SEPTIN6: variants seen among roughly 807,000 people sequenced by gnomAD.
The protein encoded by SEPTIN6 is septin 6.
A neutral mutation model predicts 33.6 loss-of-function variants in SEPTIN6; 8 were observed. That is an observed-to-expected ratio of 0.24 (90% CI 0.14 to 0.43). The LOEUF is 0.43. SEPTIN6 is among the 20% of genes least tolerant of loss of function. The pLI is 1.00. For missense variants in SEPTIN6, 250 were observed against 340.8 expected (o/e 0.73, Z 2.10); for synonymous variants, 131 against 140.0 (o/e 0.94, Z 0.45).
chrX:119,650,132 T>G (rs2054328414), intron 4 of SEPTIN6, 34 bp from the exon 5 acceptor site: 1 of 1,185,492 alleles, frequency 8.4e-7, no homozygotes, highest in South Asian at 1.8e-5. Context: ...GGGTCATTGT[T>G]GGTAACCTGC....
At chrX:119,650,198 C>T (rs1409142936) in intron 4 of SEPTIN6, 100 bp from the exon 5 acceptor site, 10 of 855,303 alleles carry the variant, frequency 1.2e-5, no homozygotes, top group Non-Finnish European at 1.7e-5. Context: ...AGCCGCTCAG[C>T]CCAGTGGTCA....
intron 2 of SEPTIN6, among the ~76,000 whole-genome samples, chrX:119,665,660 G>A (rs2054623017): frequency 9.0e-6 from 1 of 111,013 alleles, no homozygotes; most frequent in Non-Finnish European, 1.9e-5. Context: ...TGGTGACAAG[G>A]GGGCTAAACA....
intron 6 of SEPTIN6, among the ~76,000 whole-genome samples, chrX:119,639,730 T>C (rs2054121814): frequency 9.0e-6 from 1 of 111,724 alleles, no homozygotes; most frequent in Admixed American, 9.5e-5. Context: ...ACCTCTTATG[T>C]ATGCATTCCT....
intron 8 of SEPTIN6, among the ~76,000 whole-genome samples, chrX:119,631,848 CG>C (rs1190944828): frequency 9.2e-6 from 1 of 108,138 alleles, no homozygotes; most frequent in Non-Finnish European, 1.9e-5. Flanking sequence ...CTGCAACCTC[CG>C]CCTCCTGGGT....
chrX:119,686,422 C>T, intron 1 of SEPTIN6: 1 of 275,350 alleles, frequency 3.6e-6, no homozygotes. Context: ...TGAGGCCTCT[C>T]GCTGAGAAGG....
At chrX:119,642,856 C>T (rs1010807962) in intron 5 of SEPTIN6, among the ~76,000 whole-genome samples, 1 of 111,214 alleles carries the variant, frequency 9.0e-6, no homozygotes, top group Non-Finnish European at 1.9e-5. Context: ...CCACTCTCAG[C>T]TGCTATCAGA....
intron 1 of SEPTIN6, among the ~76,000 whole-genome samples, chrX:119,685,728 G>C (rs951064334): frequency 1.8e-5 from 2 of 111,506 alleles, no homozygotes; most frequent in African/African-American, 6.5e-5. Context: ...TGAGCTTCTG[G>C]CTTGATGCTG....
chrX:119,658,977 A>C (rs778030127), intron 3 of SEPTIN6, among the ~76,000 whole-genome samples: 6 of 111,929 alleles, frequency 5.4e-5, no homozygotes, highest in Non-Finnish European at 9.4e-5. Flanking sequence ...AGGGTTTTTT[A>C]TTTTAATGAA....
At chrX:119,624,925 G>C (rs141814403) in intron 10 of SEPTIN6, among the ~76,000 whole-genome samples, 1 of 110,977 alleles carries the variant, frequency 9.0e-6, no homozygotes, top group South Asian at 3.8e-4. Context: ...TAGCCAGGAT[G>C]GTCTCAATCT....
At chrX:119,652,802 C>A (rs1458442441) in intron 4 of SEPTIN6, 52 bp downstream of exon 4, 1 of 1,073,387 alleles carries the variant, frequency 9.3e-7, no homozygotes, top group Non-Finnish European at 1.3e-6. Flanking sequence ...CTACTTTGCA[C>A]AAGAGATCAG....
intron 1 of SEPTIN6, among the ~76,000 whole-genome samples, chrX:119,678,757 G>A (rs924985461): frequency 9.1e-6 from 1 of 110,386 alleles, no homozygotes; most frequent in Non-Finnish European, 1.9e-5. Flanking sequence ...AGCAGGCATC[G>A]GAAATTGAGG....
chrX:119,628,843 T>G (rs1603328282), intron 9 of SEPTIN6: 1 of 104,666 alleles, frequency 9.6e-6, no homozygotes, highest in Admixed American at 1.0e-4. Flanking sequence ...AGAGACGGGG[T>G]TTCGCCATAT....
At chrX:119,688,175 T>TACCC (rs1174001301) in intron 1 of SEPTIN6, among the ~76,000 whole-genome samples, 1 of 111,823 alleles carries the variant, frequency 8.9e-6, no homozygotes, top group African/African-American at 3.2e-5. Context: ...CTCACCCACC[T>TACCC]TCACACCTAC....
Position 119,675,667 on chromosome X carries a change from C to T in SEPTIN6, c.32G>A (p.Gly11Asp). The T allele has an allele frequency of 9.2e-7, 1 of 1,083,328 alleles. No individual in the cohort carries two copies. The allele number at this position is 1,083,328 out of a possible 1,213,427, so 89.3% of individuals were successfully genotyped here. A position where few individuals can be genotyped will look rare whatever the true frequency, so the allele number is the denominator to read the frequency against. Residue 11 changes from glycine (G) to aspartate (D), a missense_variant and splice_region_variant, in exon 2 of 11, where the codon GGT becomes GAT. By Grantham distance (94) the Gly-to-Asp change is moderately conservative (BLOSUM62 -1). This residue lies in a region of SEPTIN6 where 111 missense variants were observed against 113.8 expected (regional missense o/e 0.98). Transcript: ENST00000394610. The stretch of plus-strand genomic sequence containing the variant: ...CAGGGGGACAGTTCGGCAACCTTCA[C>T]CCTAATTTGGAAGGAGTGAGGGAGA... The part of the protein sequence containing the change: MAATDIARQV[G>D]EGCRTVPLAG...
chrX:119,615,914 A>G (rs1016471594), downstream of SEPTIN6: 6 of 167,084 alleles, frequency 3.6e-5, no homozygotes, highest in South Asian at 6.3e-4. Context: ...GAAAACATGC[A>G]AAGAGGCTCT....
intron 8 of SEPTIN6, among the ~76,000 whole-genome samples, chrX:119,630,291 G>A (rs1254262636): frequency 9.0e-6 from 1 of 111,575 alleles, no homozygotes; most frequent in Non-Finnish European, 1.9e-5. Flanking sequence ...ATTTGACTAT[G>A]GTCAACCCAG....
chrX:119,633,625 C>A, intron 7 of SEPTIN6, 133 bp from the exon 8 acceptor site: 3 of 872,464 alleles, frequency 3.4e-6, no homozygotes, highest in Non-Finnish European at 4.7e-6. Flanking sequence ...AATAGAACCA[C>A]AAAGCTGTGG....
At position 119,618,543 on chromosome X, in the gene SEPTIN6, T is replaced by TA. The variant is rs1004142600; in HGVS notation, c.*1549dup. 4.2e-3 allele frequency: 3,163 copies of TA among 761,792 alleles called. No homozygotes were observed. Among genetic ancestry groups the TA allele is most frequent in the Middle Eastern group, 9.5e-3 (17 of 1,790 alleles). The allele number at this position is 761,792 out of a possible 1,213,427, so 62.8% of individuals were successfully genotyped here. On this transcript the variant is annotated 3_prime_UTR_variant, in exon 11 of 11. Transcript: ENST00000394610. Reference sequence around the variant, plus strand: ...AGTAAGTGATCAAAAAAAGAAACTCTAAAAAAAAAATAGAAGTAGGTGGTC... The same window carrying TA: ...AGTAAGTGATCAAAAAAAGAAACTCTAAAAAAAAAAATAGAAGTAGGTGGTC...
At position 119,652,200 on chromosome X, in the gene SEPTIN6, A is replaced by C. The variant is rs774375987; in HGVS notation, c.528+654T>G. Reference sequence around the variant, plus strand: ...TGGCCTCCCAAAGTGCTGGGATTACAGGTGTGAGCCACCGCACCCAGCCAA... The same window carrying C: ...TGGCCTCCCAAAGTGCTGGGATTACCGGTGTGAGCCACCGCACCCAGCCAA... On this transcript the variant is annotated intron_variant, in intron 4 of 10. Coordinates refer to ENST00000394610, the MANE Select transcript of SEPTIN6 (RefSeq NM_145799.4). 4.5e-5 allele frequency among the ~76,000 whole-genome samples: 5 copies of C among 112,048 alleles called. No homozygotes were observed. In the South Asian group the frequency reaches 1.9e-3, roughly 42 times the overall value.
Sources: allele counts gnomAD v4.1 joint callset (sites outside exome capture counted in the v4.1 genomes callset), GRCh38; gene constraint gnomAD v4.1.1; regional missense constraint gnomAD v4.1.1; transcripts MANE v1.5; gene names NCBI Gene and HGNC (gene_info 2026-07-23, HGNC 2026-07-21).